Variants in SNU13 observed in about 807,000 individuals in gnomAD.
SNU13 encodes the protein small nuclear ribonucleoprotein 13.
Under a neutral mutation model 12.4 loss-of-function variants are expected in SNU13, and 2 were observed. That is an observed-to-expected ratio of 0.16 (90% CI 0.07 to 0.51). The LOEUF is 0.51. SNU13 is among the 20% of genes least tolerant of loss of function. SNU13 has a pLI of 0.96. For synonymous variants in SNU13, 68 were observed against 66.5 expected (o/e 1.02, Z -0.11); for missense variants, 66 against 157.8 (o/e 0.42, Z 3.12).
intron 1 of SNU13, among the ~76,000 whole-genome samples, chr22:41,683,109 G>C (rs1337539328): frequency 6.6e-6 from 1 of 152,186 alleles, no homozygotes; most frequent in African/African-American, 2.4e-5. Context: ...CGATTCTCCA[G>C]CCTCAGCCTC....
chr22:41,686,614 T>G (rs2068312332), intron 1 of SNU13, among the ~76,000 whole-genome samples: 1 of 148,272 alleles, frequency 6.7e-6, no homozygotes, highest in African/African-American at 2.5e-5. Flanking sequence ...AAATGTTTTA[T>G]TTGATACTAC....
At chr22:41,677,142 G>A (rs750990473) in intron 2 of SNU13, among the ~76,000 whole-genome samples, 7 of 152,014 alleles carry the variant, frequency 4.6e-5, no homozygotes, top group African/African-American at 4.8e-5. Flanking sequence ...CCTGAGAAAC[G>A]AACACCCACA....
intron 1 of SNU13, among the ~76,000 whole-genome samples, chr22:41,686,126 T>A (rs1025323755): frequency 3.3e-5 from 5 of 152,094 alleles, no homozygotes; most frequent in Non-Finnish European, 7.4e-5. Flanking sequence ...GTCTTTTAAC[T>A]GGAGCACTCA....
chr22:41,675,998 G>C (rs377698466), intron 2 of SNU13, among the ~76,000 whole-genome samples: 6 of 152,020 alleles, frequency 3.9e-5, no homozygotes, highest in Non-Finnish European at 7.4e-5. Flanking sequence ...CCAAAGTGCT[G>C]TGATTACAGG....
intron 1 of SNU13, chr22:41,682,587 A>G: frequency 7.0e-7 from 1 of 1,437,730 alleles, no homozygotes; most frequent in Non-Finnish European, 9.1e-7. Flanking sequence ...TCCCAGGACA[A>G]CTAGGAAGAA....
rs373140183 is a variant in SNU13, at chr22:41,674,917, G to A, written c.*16C>T. On this transcript the variant is annotated 3_prime_UTR_variant, in exon 3 of 3. Coordinates refer to ENST00000401959, the MANE Select transcript of SNU13 (RefSeq NM_001003796.2). ...GGGGGGAAGCTGGCAGGGAGCACGT[G>A]GCAGAGGCCACAGGTTTAGACTAAG... is the stretch of plus-strand genomic sequence containing the variant. 6.2e-7 allele frequency: 1 copy of A among 1,606,118 alleles called. No individual in the cohort carries two copies. Among genetic ancestry groups the A allele is most frequent in the African/African-American group, 1.3e-5 (1 of 74,746 alleles).
chr22:41,682,171 C>T lies in SNU13; in HGVS notation c.4-1807G>A, dbSNP rs543334016. Among the ~76,000 whole-genome samples, 18 of 152,056 alleles carry T rather than the reference C, an allele frequency of 1.2e-4. No individual in the cohort carries two copies. In the South Asian group the frequency reaches 3.5e-3, roughly 30 times the overall value. Reference sequence around the variant, plus strand: ...TAGGGTGGACGGCAGTCGCTGGAGACGGAGATGGCCTGGTGGGACCACTCA... The same window carrying T: ...TAGGGTGGACGGCAGTCGCTGGAGATGGAGATGGCCTGGTGGGACCACTCA... On this transcript the variant is annotated intron_variant, in intron 1 of 2. Transcript: ENST00000401959.
intron 1 of SNU13, among the ~76,000 whole-genome samples, chr22:41,681,975 T>C (rs1203414178): frequency 8.2e-6 from 1 of 122,590 alleles, no homozygotes; most frequent in Non-Finnish European, 1.7e-5. Flanking sequence ...GTAAATCATT[T>C]TCATTAATTT....
intron 2 of SNU13, 135 bp downstream of exon 2, chr22:41,680,109 T>C: frequency 8.5e-7 from 1 of 1,179,302 alleles, no homozygotes; most frequent in Admixed American, 2.6e-5. Context: ...AGCTTTAGCA[T>C]CTAATGCCAA....
At chr22:41,686,994 C>A (rs1399785923) in intron 1 of SNU13, among the ~76,000 whole-genome samples, 1 of 151,688 alleles carries the variant, frequency 6.6e-6, no homozygotes, top group Admixed American at 6.6e-5. Context: ...CTCAAACTGT[C>A]ACACGGGCTG....
chr22:41,683,242 C>T (rs115266790), intron 1 of SNU13, among the ~76,000 whole-genome samples: 4,308 of 151,744 alleles, frequency 0.028, 198 homozygotes, highest in African/African-American at 0.099. Flanking sequence ...TCAAGTGATC[C>T]GCTTGCCTTA....
upstream of SNU13, chr22:41,689,040 G>A (rs2068338496): frequency 8.0e-7 from 1 of 1,250,276 alleles, no homozygotes; most frequent in Non-Finnish European, 1.0e-6. Flanking sequence ...ACAAATTATT[G>A]GCAGAAACAA....
intron 2 of SNU13, among the ~76,000 whole-genome samples, chr22:41,678,175 C>T (rs957960102): frequency 3.9e-5 from 6 of 151,912 alleles, no homozygotes; most frequent in Admixed American, 3.3e-4. Flanking sequence ...TGAGGTTTCA[C>T]CGTGTTAGCC....
chr22:41,686,307 T>C (rs1179039855), intron 1 of SNU13, among the ~76,000 whole-genome samples: 3 of 150,642 alleles, frequency 2.0e-5, no homozygotes, highest in Non-Finnish European at 4.4e-5. Flanking sequence ...CTTTTATCTT[T>C]TTTTTTTTTT....
chr22:41,682,662 ATAT>A (rs2068275416), intron 1 of SNU13: 1 of 877,680 alleles, frequency 1.1e-6, no homozygotes, highest in Admixed American at 3.4e-5. Context: ...GAAGACCTCC[ATAT>A]TATTTTTCTC....
rs1489012307 is a variant in SNU13 at position 41,675,147 on chromosome 22, G to GCAGC, written c.169_172dup (p.Ala58GlyfsTer18). On this transcript the variant is annotated frameshift_variant, in exon 3 of 3. Transcript: ENST00000401959. LOFTEE classifies it high-confidence loss of function. ...AATGATCTCCAGTGGCTCGGCGTCTGCAGCCATCACGATGAACTCAGAGAT... is the reference window on the plus strand; with the variant it reads ...AATGATCTCCAGTGGCTCGGCGTCTGCAGCCAGCCATCACGATGAACTCAGAGAT... 3.1e-6 allele frequency: 5 copies of GCAGC among 1,613,842 alleles called. No individual in the cohort carries two copies. Among genetic ancestry groups the GCAGC allele is most frequent in the Non-Finnish European group, 3.4e-6 (4 of 1,180,010 alleles).
chr22:41,681,645 A>C (rs1452446666), intron 1 of SNU13: 1 of 152,278 alleles, frequency 6.6e-6, no homozygotes, highest in African/African-American at 2.4e-5. Flanking sequence ...CAGTTATGTT[A>C]AAAATTCTTA....
intron 2 of SNU13, among the ~76,000 whole-genome samples, chr22:41,678,058 C>G (rs1569107208): frequency 6.6e-6 from 1 of 151,440 alleles, no homozygotes; most frequent in Non-Finnish European, 1.5e-5. Flanking sequence ...TCACTGCAAG[C>G]TCCGCCTCCC....
rs1021305248 is a variant in SNU13, at chr22:41,675,281, C to T, written c.125-86G>A. On this transcript the variant is annotated intron_variant, in intron 2 of 2. Coordinates refer to ENST00000401959, the MANE Select transcript of SNU13 (RefSeq NM_001003796.2). The stretch of plus-strand genomic sequence containing the variant: ...AAACTGGGAAGAATGCCTAGGCACA[C>T]ACAATTATGTGTCCTAGACCGGCCC... The T allele has an allele frequency of 4.0e-6, 6 of 1,515,602 alleles. No individual in the cohort carries two copies. The African/African-American group carries it at 8.2e-5, about 21-fold the overall frequency. 93.9% of individuals were successfully genotyped at this position (1,515,602 alleles called of 1,614,324 possible).
Sources: gnomAD v4.1 joint callset for allele counts (sites outside exome capture counted in the v4.1 genomes callset) on GRCh38, gnomAD v4.1.1 for gene constraint, MANE v1.5 for transcripts, NCBI Gene and HGNC (gene_info 2026-07-23, HGNC 2026-07-21) for gene names.